Variants in COL4A6 observed in about 807,000 individuals in gnomAD.
COL4A6 encodes collagen type IV alpha 6 chain, also known as collagen alpha-6(IV) chain.
A neutral mutation model predicts 126.7 loss-of-function variants in COL4A6; 59 were observed. The ratio of observed to expected loss-of-function variants is 0.47; its 90% confidence interval spans 0.38 to 0.58. The LOEUF (loss-of-function observed/expected upper bound fraction) is 0.58, where lower values mean the gene tolerates loss of function less well. COL4A6 is among the 20% of genes least tolerant of loss of function. The pLI, the probability that COL4A6 is intolerant of heterozygous loss-of-function variation, is 0.00. For missense variants in COL4A6, 1,285 were observed against 1,337.3 expected, an observed-to-expected ratio of 0.96 and a Z score of 0.61; for synonymous variants, 547 against 496.6, an observed-to-expected ratio of 1.10 and a Z score of -1.35.
intron 2 of COL4A6, among the ~76,000 whole-genome samples, chrX:108,378,484 T>C (rs1010558187): frequency 1.8e-5 from 2 of 112,047 alleles, no homozygotes; most frequent in African/African-American, 6.5e-5. Context: ...GCAAGGAAAT[T>C]AGAGGAAATT....
chrX:108,400,860 AC>A (rs1281874179), intron 2 of COL4A6, among the ~76,000 whole-genome samples: 2 of 111,840 alleles, frequency 1.8e-5, no homozygotes, highest in Non-Finnish European at 3.8e-5. Flanking sequence ...ACTATTTTTG[AC>A]ACAAAAAATT....
At chrX:108,213,879 T>A (rs2035781316) in intron 6 of COL4A6, 2 of 343,900 alleles carry the variant, frequency 5.8e-6, no homozygotes, top group Non-Finnish European at 9.9e-6. Flanking sequence ...TTTCACAAGC[T>A]GCATTAAAAA....
chrX:108,283,730 T>A, intron 3 of COL4A6, among the ~76,000 whole-genome samples: 1 of 111,261 alleles, frequency 9.0e-6, no homozygotes. Flanking sequence ...GCTTTACAGC[T>A]GGAGCACTTA....
chrX:108,413,345 G>A (rs1399102676), intron 2 of COL4A6, among the ~76,000 whole-genome samples: 1 of 112,216 alleles, frequency 8.9e-6, no homozygotes, highest in Admixed American at 9.4e-5. Flanking sequence ...TCATAACACT[G>A]GCGTCTAGTG....
At chrX:108,164,111 T>C (rs781046389) in intron 40 of COL4A6, among the ~76,000 whole-genome samples, 1 of 111,138 alleles carries the variant, frequency 9.0e-6, no homozygotes, top group South Asian at 3.9e-4. Context: ...ACCACTAGGG[T>C]CGGGGGAGGA....
At chrX:108,337,343 CA>C (rs1182047684) in intron 2 of COL4A6, among the ~76,000 whole-genome samples, 1 of 110,924 alleles carries the variant, frequency 9.0e-6, no homozygotes, top group Admixed American at 9.5e-5. Flanking sequence ...AATAGATGCC[CA>C]ATAAATACTT....
chrX:108,289,666 G>T (rs1479264714), intron 3 of COL4A6, among the ~76,000 whole-genome samples: 2 of 111,660 alleles, frequency 1.8e-5, no homozygotes, highest in African/African-American at 6.5e-5. Context: ...CCATTCCTCT[G>T]GGCATTCCCT....
chrX:108,222,789 C>T (rs2036054841), intron 3 of COL4A6, among the ~76,000 whole-genome samples: 1 of 111,850 alleles, frequency 8.9e-6, no homozygotes, highest in South Asian at 3.8e-4. Context: ...AATTTTTAGG[C>T]TCCTACCTCC....
intron 2 of COL4A6, among the ~76,000 whole-genome samples, chrX:108,325,365 T>C (rs2147954667): frequency 8.9e-6 from 1 of 112,043 alleles, no homozygotes; most frequent in South Asian, 3.7e-4. Flanking sequence ...ACTTTATCTT[T>C]GGTGATTCCC....
At position 108,170,163 on chromosome X, in the gene COL4A6, G is replaced by C; in HGVS notation, c.3494-147C>G. 4 of 498,531 alleles carry C rather than the reference G, an allele frequency of 8.0e-6. 1 individual carries two copies. In the South Asian group the frequency reaches 1.3e-4, roughly 16 times the overall value. The allele number at this position is 498,531 out of a possible 1,213,427, so 41.1% of individuals were successfully genotyped here. A position where few individuals can be genotyped will look rare whatever the true frequency, so the allele number is the denominator to read the frequency against. Reference sequence around the variant, plus strand: ...GAGGCATTTACTTAATGCCCTAAGGGAGAAGAAAACACTCCCAACCTATAT... The same window carrying C: ...GAGGCATTTACTTAATGCCCTAAGGCAGAAGAAAACACTCCCAACCTATAT... On this transcript the variant is annotated intron_variant, in intron 35 of 44. Transcript: ENST00000334504.
intron 23 of COL4A6, among the ~76,000 whole-genome samples, chrX:108,184,776 C>T (rs896404157): frequency 8.9e-6 from 1 of 112,355 alleles, no homozygotes; most frequent in African/African-American, 3.2e-5. Context: ...ATATCATATT[C>T]CTAATAACTT....
At chrX:108,226,337 G>A (rs2036165321) in intron 3 of COL4A6, among the ~76,000 whole-genome samples, 1 of 112,030 alleles carries the variant, frequency 8.9e-6, no homozygotes, top group Non-Finnish European at 1.9e-5. Flanking sequence ...GAGATGCACA[G>A]ACATCATTGA....
At chrX:108,419,945 C>T (rs899367509) in intron 2 of COL4A6, among the ~76,000 whole-genome samples, 1 of 111,967 alleles carries the variant, frequency 8.9e-6, no homozygotes, top group African/African-American at 3.2e-5. Context: ...CAAAAATTAA[C>T]AAATTGACAA....
chrX:108,172,392 A>ATT, intron 32 of COL4A6, 77 bp downstream of exon 32: 3 of 407,335 alleles, frequency 7.4e-6, no homozygotes, highest in Non-Finnish European at 8.0e-6. Context: ...AAAAAAAAAG[A>ATT]GAGAGACCCT....
intron 2 of COL4A6, among the ~76,000 whole-genome samples, chrX:108,419,245 G>A (rs2041487864): frequency 8.9e-6 from 1 of 111,965 alleles, no homozygotes; most frequent in African/African-American, 3.2e-5. Context: ...ATACTAGTAA[G>A]AAACAAACCT....
chrX:108,173,768 G>A (rs1341169326), intron 31 of COL4A6, among the ~76,000 whole-genome samples: 1 of 112,098 alleles, frequency 8.9e-6, no homozygotes, highest in African/African-American at 3.2e-5. Flanking sequence ...AAGGTAAACA[G>A]TGTGCACAAG....
intron 2 of COL4A6, among the ~76,000 whole-genome samples, chrX:108,322,713 G>C (rs984733770): frequency 8.9e-6 from 1 of 111,923 alleles, no homozygotes; most frequent in Non-Finnish European, 1.9e-5. Flanking sequence ...AGCTATGAAA[G>C]AACAACACTT....
At chrX:108,386,577 G>A (rs2040699287) in intron 2 of COL4A6, among the ~76,000 whole-genome samples, 1 of 110,603 alleles carries the variant, frequency 9.0e-6, no homozygotes, top group Admixed American at 9.6e-5. Context: ...TTTTTTTCTT[G>A]TAAAATTGTT....
intron 3 of COL4A6, among the ~76,000 whole-genome samples, chrX:108,229,149 A>G (rs987855034): frequency 8.9e-6 from 1 of 112,110 alleles, no homozygotes; most frequent in Admixed American, 9.5e-5. Context: ...TGAGGTGTTT[A>G]ATCTGGTACA....
Sources: gnomAD v4.1 joint callset for allele counts (sites outside exome capture counted in the v4.1 genomes callset) on GRCh38, gnomAD v4.1.1 for gene constraint, MANE v1.5 for transcripts, NCBI Gene and HGNC (gene_info 2026-07-23, HGNC 2026-07-21) for gene names.